Variants in GRM7 observed in about 807,000 individuals in gnomAD.
GRM7 encodes the protein metabotropic glutamate receptor 7.
Under a neutral mutation model 84.5 loss-of-function variants are expected in GRM7, and 35 were observed. The ratio of observed to expected loss-of-function variants is 0.41; its 90% CI spans 0.32 to 0.55. The LOEUF is 0.55. Ranked by LOEUF, GRM7 falls within the 20% of genes least tolerant of loss-of-function variation. The pLI, the probability that GRM7 is intolerant of heterozygous loss-of-function variation, is 0.19. For synonymous variants in GRM7, 487 were observed against 455.1 expected (o/e 1.07, Z -0.89); for missense variants, 1,003 against 1,194.6 (o/e 0.84, Z 2.36).
intron 9 of GRM7, among the ~76,000 whole-genome samples, chr3:7,713,450 T>C (rs1461013946): frequency 1.3e-5 from 2 of 152,086 alleles, no homozygotes; most frequent in African/African-American, 2.4e-5. Context: ...GATTTCACTA[T>C]ATCTTTTCAG....
At chr3:7,603,746 A>G (rs1487726279) in intron 8 of GRM7, among the ~76,000 whole-genome samples, 1 of 152,178 alleles carries the variant, frequency 6.6e-6, no homozygotes, top group Non-Finnish European at 1.5e-5. Flanking sequence ...GACTCAAGTT[A>G]ATTTGACAAT....
chr3:7,346,215 A>T (rs1490759619), intron 4 of GRM7, among the ~76,000 whole-genome samples: 1 of 152,148 alleles, frequency 6.6e-6, no homozygotes, highest in Non-Finnish European at 1.5e-5. Flanking sequence ...TCAATACTGT[A>T]AAAGTATTGA....
At chr3:7,244,250 A>T (rs957047952) in intron 2 of GRM7, among the ~76,000 whole-genome samples, 1 of 152,148 alleles carries the variant, frequency 6.6e-6, no homozygotes, top group Non-Finnish European at 1.5e-5. Context: ...AAACACAGAC[A>T]TATTGTACAG....
intron 8 of GRM7, among the ~76,000 whole-genome samples, chr3:7,627,231 T>C (rs1003360374): frequency 6.6e-6 from 1 of 152,204 alleles, no homozygotes; most frequent in African/African-American, 2.4e-5. Flanking sequence ...AGAAACTTTG[T>C]GATTTTTATT....
At chr3:7,507,160 G>C (rs1308138330) in intron 7 of GRM7, among the ~76,000 whole-genome samples, 2 of 152,098 alleles carry the variant, frequency 1.3e-5, no homozygotes, top group Non-Finnish European at 2.9e-5. Context: ...ATTGACTCTG[G>C]TTAATTTCAG....
chr3:7,733,301 A>G (rs1286470603), intron 9 of GRM7, among the ~76,000 whole-genome samples: 1 of 152,198 alleles, frequency 6.6e-6, no homozygotes, highest in Non-Finnish European at 1.5e-5. Context: ...AGAATTTATT[A>G]AGCGAAAGGA....
intron 2 of GRM7, among the ~76,000 whole-genome samples, chr3:7,206,948 G>T (rs1559502264): frequency 6.6e-6 from 1 of 152,074 alleles, no homozygotes; most frequent in East Asian, 1.9e-4. Flanking sequence ...ATATGGACAA[G>T]ATATATATAT....
chr3:6,955,082 C>T (rs151082801), intron 1 of GRM7, among the ~76,000 whole-genome samples: 41 of 152,316 alleles, frequency 2.7e-4, no homozygotes, highest in African/African-American at 9.6e-4. Context: ...AAATTCTTTA[C>T]TTCATTTATA....
chr3:6,982,695 T>C (rs1480404354), intron 1 of GRM7, among the ~76,000 whole-genome samples: 3 of 152,164 alleles, frequency 2.0e-5, no homozygotes, highest in African/African-American at 7.2e-5. Flanking sequence ...ACCATCACTA[T>C]AGTCTTGTCC....
chr3:7,546,227 G>C (rs763349124), intron 7 of GRM7, among the ~76,000 whole-genome samples: 12 of 152,148 alleles, frequency 7.9e-5, no homozygotes, highest in African/African-American at 1.7e-4. Flanking sequence ...AAGAATGGTA[G>C]AGTCAATGCT....
intron 1 of GRM7, among the ~76,000 whole-genome samples, chr3:6,991,495 A>G (rs1008162261): frequency 2.6e-5 from 4 of 152,344 alleles, no homozygotes; most frequent in Admixed American, 6.5e-5. Flanking sequence ...GTGAGGAGAG[A>G]AGACAAAAAA....
intron 1 of GRM7, among the ~76,000 whole-genome samples, chr3:6,894,734 T>C (rs909184072): frequency 6.6e-5 from 10 of 152,272 alleles, no homozygotes; most frequent in Middle Eastern, 3.4e-3. Flanking sequence ...ATTCTGACTT[T>C]AGGATAAAAT....
chr3:6,995,427 T>C (rs561948776), intron 1 of GRM7, among the ~76,000 whole-genome samples: 2 of 152,348 alleles, frequency 1.3e-5, no homozygotes, highest in Admixed American at 1.3e-4. Context: ...CATAATGTAC[T>C]GACACCTGTT....
chr3:7,130,709 C>T (rs1392160109), intron 1 of GRM7, among the ~76,000 whole-genome samples: 1 of 151,978 alleles, frequency 6.6e-6, no homozygotes, highest in Non-Finnish European at 1.5e-5. Flanking sequence ...AAGCAGTCAA[C>T]CTAAAATGCA....
chr3:7,534,605 A>T (rs928712545), intron 7 of GRM7, among the ~76,000 whole-genome samples: 3 of 152,194 alleles, frequency 2.0e-5, no homozygotes, highest in Non-Finnish European at 2.9e-5. Flanking sequence ...ATTTCACCTT[A>T]AAAAGTCCCT....
At chr3:6,990,021 G>A (rs1310151272) in intron 1 of GRM7, among the ~76,000 whole-genome samples, 1 of 152,166 alleles carries the variant, frequency 6.6e-6, no homozygotes. Flanking sequence ...CAGGATGCTA[G>A]CTGACTCTGC....
At chr3:7,207,212 C>T (rs567898285) in intron 2 of GRM7, among the ~76,000 whole-genome samples, 20 of 152,222 alleles carry the variant, frequency 1.3e-4, no homozygotes, top group Non-Finnish European at 2.9e-4. Flanking sequence ...GGGACAGTGG[C>T]TCTTCACCTT....
At chr3:7,469,393 G>T (rs536630911) in intron 7 of GRM7, among the ~76,000 whole-genome samples, 6 of 152,184 alleles carry the variant, frequency 3.9e-5, no homozygotes, top group Non-Finnish European at 7.3e-5. Context: ...AGAAATAGAA[G>T]AGTTAGTTTT....
intron 9 of GRM7, among the ~76,000 whole-genome samples, chr3:7,702,854 A>G (rs1056253995): frequency 6.6e-6 from 1 of 152,210 alleles, no homozygotes; most frequent in Non-Finnish European, 1.5e-5. Context: ...AAATGTCACT[A>G]TGACATTTTA....
Sources: allele counts gnomAD v4.1 joint callset (sites outside exome capture counted in the v4.1 genomes callset), GRCh38; gene constraint gnomAD v4.1.1; transcripts MANE v1.5; gene names NCBI Gene and HGNC (gene_info 2026-07-23, HGNC 2026-07-21).